Variants in ESRRG observed in about 807,000 individuals in gnomAD.
The protein encoded by ESRRG is estrogen-related receptor gamma.
In ESRRG, 13 loss-of-function variants were observed where a neutral mutation model predicts 44.0. The ratio of observed to expected loss-of-function variants is 0.30; its 90% confidence interval spans 0.19 to 0.47. The LOEUF (loss-of-function observed/expected upper bound fraction) is 0.47. Among genes scored for constraint, ESRRG ranks in the 20% least tolerant of loss-of-function variants. The pLI is 1.00. For missense variants in ESRRG, 395 were observed against 580.6 expected, an observed-to-expected ratio of 0.68 and a Z score of 3.29; for synonymous variants, 215 against 214.6, an observed-to-expected ratio of 1.00 and a Z score of -0.02.
chr1:216,737,314 C>T (rs2090083081), intron 2 of ESRRG, among the ~76,000 whole-genome samples: 2 of 152,144 alleles, frequency 1.3e-5, no homozygotes, highest in African/African-American at 4.8e-5. Flanking sequence ...TATTCTTTAG[C>T]TGGTAGACAG....
chr1:216,757,342 A>G (rs546707544), intron 2 of ESRRG, among the ~76,000 whole-genome samples: 45 of 152,162 alleles, frequency 3.0e-4, no homozygotes, highest in African/African-American at 1.1e-3. Context: ...CATGGTACAC[A>G]ATGAAGTGTA....
intron 1 of ESRRG, among the ~76,000 whole-genome samples, chr1:216,719,301 G>A (rs2085630226): frequency 6.6e-6 from 1 of 151,920 alleles, no homozygotes; most frequent in Admixed American, 6.6e-5. Flanking sequence ...GCAAAAGTAT[G>A]GCCCGGCTAA....
intron 2 of ESRRG, among the ~76,000 whole-genome samples, chr1:216,655,428 C>T (rs188597172): frequency 1.3e-5 from 2 of 152,206 alleles, no homozygotes; most frequent in Non-Finnish European, 2.9e-5. Context: ...AGCAAATTCT[C>T]CAAATAGGGG....
At chr1:217,123,804 T>C (rs548000958) in intron 1 of ESRRG, among the ~76,000 whole-genome samples, 1 of 152,262 alleles carries the variant, frequency 6.6e-6, no homozygotes, top group South Asian at 2.1e-4. Context: ...TAATGCATGC[T>C]GGGCTTAATA....
chr1:217,064,136 A>T (rs2089175918), intron 1 of ESRRG, among the ~76,000 whole-genome samples: 1 of 151,944 alleles, frequency 6.6e-6, no homozygotes, highest in Non-Finnish European at 1.5e-5. Flanking sequence ...TCTTCACAAC[A>T]TACATATATA....
intron 3 of ESRRG, among the ~76,000 whole-genome samples, chr1:216,639,209 T>G (rs540835667): frequency 1.0e-3 from 152 of 152,196 alleles, no homozygotes; most frequent in Middle Eastern, 3.4e-3. Context: ...TCAGTAGGGT[T>G]GTGAAGAAAT....
At chr1:216,809,347 A>T (rs1047821348) in intron 2 of ESRRG, among the ~76,000 whole-genome samples, 1 of 122,698 alleles carries the variant, frequency 8.2e-6, no homozygotes, top group Non-Finnish European at 1.8e-5. Flanking sequence ...AAAAAAAAAA[A>T]CCCCATGAGA....
intron 2 of ESRRG, among the ~76,000 whole-genome samples, chr1:216,850,783 T>TC (rs2095830589): frequency 6.6e-6 from 1 of 152,058 alleles, no homozygotes; most frequent in Admixed American, 6.6e-5. Context: ...ATATTGATCA[T>TC]AAGTTTCATA....
At chr1:216,813,891 C>T (rs1213223519) in intron 2 of ESRRG, among the ~76,000 whole-genome samples, 2 of 152,200 alleles carry the variant, frequency 1.3e-5, no homozygotes, top group Non-Finnish European at 2.9e-5. Flanking sequence ...AATAGTATCT[C>T]AGTTGCATTA....
At chr1:216,786,644 A>G (rs559526722) in intron 2 of ESRRG, among the ~76,000 whole-genome samples, 27 of 152,284 alleles carry the variant, frequency 1.8e-4, no homozygotes, top group African/African-American at 6.5e-4. Flanking sequence ...GAAGCTCTGG[A>G]TAATCCATAA....
intron 2 of ESRRG, among the ~76,000 whole-genome samples, chr1:216,783,222 T>C (rs1481894568): frequency 2.0e-5 from 3 of 151,966 alleles, no homozygotes; most frequent in Non-Finnish European, 4.4e-5. Context: ...TATAAATAGT[T>C]CCAATATCTA....
chr1:216,881,019 A>G (rs1035752274), intron 2 of ESRRG, among the ~76,000 whole-genome samples: 12 of 152,194 alleles, frequency 7.9e-5, no homozygotes, highest in African/African-American at 2.9e-4. Context: ...GCCACGGGGA[A>G]AATCCCTAAA....
At chr1:216,568,498 A>G (rs1025087201) in intron 3 of ESRRG, among the ~76,000 whole-genome samples, 3 of 152,164 alleles carry the variant, frequency 2.0e-5, no homozygotes, top group Non-Finnish European at 4.4e-5. Context: ...GTAGACCAAG[A>G]GCTATCCAAC....
chr1:216,610,547 A>C (rs1236408662), intron 3 of ESRRG, among the ~76,000 whole-genome samples: 1 of 152,122 alleles, frequency 6.6e-6, no homozygotes, highest in Non-Finnish European at 1.5e-5. Context: ...AAGTTGCCTA[A>C]AGCACTTAAT....
chr1:216,732,709 G>A (rs1308092179), intron 2 of ESRRG, among the ~76,000 whole-genome samples: 1 of 151,908 alleles, frequency 6.6e-6, no homozygotes, highest in East Asian at 1.9e-4. Flanking sequence ...GAGGCTAAGG[G>A]AGGAGGATTG....
Position 216,504,620 on chromosome 1 carries a change from AG to A in ESRRG, c.*2318del, listed in dbSNP as rs2148678298. On this transcript the variant is annotated 3_prime_UTR_variant, in exon 7 of 7. Coordinates refer to ENST00000408911, the MANE Select transcript of ESRRG (RefSeq NM_001438.4). ...TTTTGGAAACGAATCTGCACCAAAA[AG>A]TTTTGCAACAACACAGAGCGAGTTA... 1 of 152,760 alleles carries A rather than the reference AG, an allele frequency of 6.5e-6. No homozygotes were observed. The highest frequency in any genetic ancestry group is 2.1e-4 in the South Asian group (1 of 4,834). 9.5% of individuals were successfully genotyped at this position (152,760 alleles called of 1,614,324 possible). A position where few individuals can be genotyped will look rare whatever the true frequency, so the allele number is the denominator to read the frequency against.
intron 1 of ESRRG, among the ~76,000 whole-genome samples, chr1:216,697,117 C>A (rs1189289873): frequency 1.3e-5 from 2 of 151,970 alleles, no homozygotes; most frequent in African/African-American, 2.4e-5. Flanking sequence ...AGGCGTGCAC[C>A]ACCATGCCTG....
In ESRRG at chr1:217,127,692, T is replaced by C. The variant is rs186492011; in HGVS notation, c.-230+9975A>G. On this transcript the variant is annotated intron_variant, in intron 1 of 8. Coordinates refer to the ESRRG transcript ENST00000366940. ...CAGCTGTATGACCTCGGGCAAGTTA[T>C]AGAAAAACTCCCTGCCTCAGTTTTC... Among the ~76,000 whole-genome samples, 263 of 152,288 alleles carry C rather than the reference T, an allele frequency of 1.7e-3. 1 individual carries two copies. The highest frequency in any genetic ancestry group is 6.1e-3 in the African/African-American group (253 of 41,572).
intron 1 of ESRRG, among the ~76,000 whole-genome samples, chr1:217,114,899 G>A (rs769660758): frequency 5.9e-5 from 9 of 152,096 alleles, no homozygotes; most frequent in African/African-American, 1.2e-4. Flanking sequence ...TCCTGACCTC[G>A]TGATCCACCC....
Sources: gnomAD v4.1 joint callset for allele counts (sites outside exome capture counted in the v4.1 genomes callset) on GRCh38, gnomAD v4.1.1 for gene constraint, MANE v1.5 for transcripts, NCBI Gene and HGNC (gene_info 2026-07-23, HGNC 2026-07-21) for gene names.